The following SLC25A12 variants were observed in gnomAD, a reference collection of about 807,000 sequenced individuals.
The protein encoded by SLC25A12 is solute carrier family 25 member 12.
A neutral mutation model predicts 83.3 loss-of-function variants in SLC25A12; 32 were observed. That is an observed-to-expected ratio of 0.38 (90% CI 0.29 to 0.52). The LOEUF is 0.52. Among genes scored for constraint, SLC25A12 ranks in the 20% least tolerant of loss-of-function variants. The pLI is 0.84. For missense variants in SLC25A12, 611 were observed against 835.6 expected, an observed-to-expected ratio of 0.73 and a Z score of 3.31; for synonymous variants, 267 against 291.1, an observed-to-expected ratio of 0.92 and a Z score of 0.84.
rs1683613055 is a variant in SLC25A12 at position 171,797,080 on chromosome 2, A to T, written c.1306-3313T>A. On this transcript the variant is annotated intron_variant, in intron 13 of 17. Transcript: ENST00000422440. ...TCTTCTAAGACTCTATTGATTATAA[A>T]TGATATCATTAATAACAGCTTTCCA... is the stretch of plus-strand genomic sequence containing the variant. Among the ~76,000 whole-genome samples, 2 of 152,238 alleles carry T rather than the reference A, an allele frequency of 1.3e-5. 1 individual carries two copies. The highest frequency in any genetic ancestry group is 1.3e-4 in the Admixed American group (2 of 15,286).
chr2:171,825,000 G>A (rs62182370), intron 9 of SLC25A12, among the ~76,000 whole-genome samples: 31,538 of 151,704 alleles, frequency 0.21, 4,039 homozygotes, highest in East Asian at 0.57. Context: ...GTAGAGATGG[G>A]GTTTTGCCAT....
At chr2:171,800,333 AC>A (rs1683685874) in intron 13 of SLC25A12, among the ~76,000 whole-genome samples, 1 of 151,886 alleles carries the variant, frequency 6.6e-6, no homozygotes, top group African/African-American at 2.4e-5. Context: ...TCACACACAC[AC>A]ACACACACAC....
At chr2:171,832,609 T>C (rs1381120161) in intron 8 of SLC25A12, among the ~76,000 whole-genome samples, 1 of 152,258 alleles carries the variant, frequency 6.6e-6, no homozygotes, top group Non-Finnish European at 1.5e-5. Context: ...CAAGCACAAA[T>C]GAGCCATCCA....
chr2:171,801,922 TG>T, intron 13 of SLC25A12, among the ~76,000 whole-genome samples: 1 of 149,364 alleles, frequency 6.7e-6, no homozygotes, highest in Non-Finnish European at 1.5e-5. Context: ...TGTGTGTGTG[TG>T]TGTGTGTGTG....
At chr2:171,891,824 C>G (rs985269568) in intron 2 of SLC25A12, among the ~76,000 whole-genome samples, 1 of 152,180 alleles carries the variant, frequency 6.6e-6, no homozygotes, top group Non-Finnish European at 1.5e-5. Flanking sequence ...ATTATAATTA[C>G]TTCTGTTCTG....
chr2:171,823,936 G>A (rs1684245520), intron 9 of SLC25A12, among the ~76,000 whole-genome samples: 1 of 64,782 alleles, frequency 1.5e-5, no homozygotes, highest in Non-Finnish European at 2.9e-5. Flanking sequence ...GTGAGACCCT[G>A]TCTCCACAAA....
Position 171,855,843 on chromosome 2 carries a change from C to G in SLC25A12, c.316G>C (p.Val106Leu). The stretch of plus-strand genomic sequence containing the variant: ...CTTCTTTTTCCCTTACCAAATGTCA[C>G]CTCTCCATTTCCACTCTTGTCAAAC... ...QLFDKSGNGE[V>L]TFENVKEIFG... Residue 106 changes from valine to leucine, a missense_variant, in exon 4 of 18, where the codon GTG becomes CTG. Coordinates refer to ENST00000422440, the MANE Select transcript of SLC25A12 (RefSeq NM_003705.5). 2 of 1,588,292 alleles carry G rather than the reference C, an allele frequency of 1.3e-6. No homozygotes were observed. Among genetic ancestry groups the G allele is most frequent in the Non-Finnish European group, 1.7e-6 (2 of 1,156,422 alleles).
intron 15 of SLC25A12, among the ~76,000 whole-genome samples, chr2:171,791,135 T>C (rs1258260246): frequency 6.6e-6 from 1 of 152,132 alleles, no homozygotes; most frequent in Non-Finnish European, 1.5e-5. Flanking sequence ...ACCTTAATGC[T>C]TAGCTTGGCT....
intron 2 of SLC25A12, among the ~76,000 whole-genome samples, chr2:171,882,160 G>C (rs1257902121): frequency 6.6e-6 from 1 of 152,062 alleles, no homozygotes; most frequent in Non-Finnish European, 1.5e-5. Context: ...TCCCTTATAT[G>C]CTATACATAA....
chr2:171,855,684 A>G (rs564356989), intron 4 of SLC25A12, 150 bp downstream of exon 4: 1 of 677,244 alleles, frequency 1.5e-6, no homozygotes, highest in African/African-American at 1.8e-5. Flanking sequence ...GAAAAAATAA[A>G]GCCATCATTA....
At chr2:171,823,533 G>A (rs1431798101) in intron 9 of SLC25A12, among the ~76,000 whole-genome samples, 2 of 152,094 alleles carry the variant, frequency 1.3e-5, no homozygotes, top group Non-Finnish European at 2.9e-5. Context: ...TATTATTTCT[G>A]TTGAGTTCTA....
At chr2:171,851,228 C>A (rs1573982115) in intron 4 of SLC25A12, among the ~76,000 whole-genome samples, 1 of 151,290 alleles carries the variant, frequency 6.6e-6, no homozygotes, top group East Asian at 1.9e-4. Context: ...GAGTTGCACT[C>A]TTTCACCCAG....
At chr2:171,819,051 C>T (rs1171575235) in intron 9 of SLC25A12, among the ~76,000 whole-genome samples, 1 of 145,978 alleles carries the variant, frequency 6.9e-6, no homozygotes, top group South Asian at 2.2e-4. Flanking sequence ...AAGATTAAAA[C>T]CTAAAGCCAT....
intron 3 of SLC25A12, among the ~76,000 whole-genome samples, 176 bp downstream of exon 3, chr2:171,868,505 G>A (rs1008331237): frequency 6.6e-6 from 1 of 151,570 alleles, no homozygotes; most frequent in Non-Finnish European, 1.5e-5. Flanking sequence ...GTAGAGACAG[G>A]GTTTCTCCAT....
chr2:171,851,197 T>TTG (rs1303147370), intron 4 of SLC25A12, among the ~76,000 whole-genome samples: 2 of 151,722 alleles, frequency 1.3e-5, no homozygotes, highest in African/African-American at 4.8e-5. Flanking sequence ...TTTTTCTTGT[T>TTG]TGTTTTTTTT....
intron 5 of SLC25A12, 26 bp from the exon 6 acceptor site, chr2:171,837,293 T>C: frequency 6.2e-7 from 1 of 1,613,388 alleles, no homozygotes; most frequent in Non-Finnish European, 8.5e-7. Flanking sequence ...AAATAGGGCA[T>C]TAAGCTGGTT....
chr2:171,817,661 C>T (rs527991949), intron 9 of SLC25A12, among the ~76,000 whole-genome samples: 4 of 145,762 alleles, frequency 2.7e-5, no homozygotes, highest in Admixed American at 6.8e-5. Flanking sequence ...TAGAGTTTCT[C>T]AATCACAAAA....
chr2:171,834,014 G>A lies in SLC25A12; in HGVS notation c.794C>T (p.Pro265Leu), dbSNP rs1684503181. 6.2e-7 allele frequency: 1 copy of A among 1,610,610 alleles called. No individual in the cohort carries two copies. The highest frequency in any genetic ancestry group is 2.2e-5 in the East Asian group (1 of 44,796). Residue 265 changes from proline to leucine, a missense_variant, in exon 8 of 18, where the codon CCA becomes CTA. Around this residue, in one of 3 missense-constraint regions of SLC25A12, gnomAD observed 540 missense variants for 777.5 expected, o/e 0.69. Transcript: ENST00000422440. ...QSAIRYGQVT[P>L]LEIDILYQLA... The stretch of plus-strand genomic sequence containing the variant: ...CTGATATAGAATATCAATTTCTAGT[G>A]GTGTGACTTGTCCATAGCGTATGGC...
At chr2:171,811,495 G>C (rs1683945170) in intron 11 of SLC25A12, among the ~76,000 whole-genome samples, 1 of 152,160 alleles carries the variant, frequency 6.6e-6, no homozygotes, top group Admixed American at 6.5e-5. Flanking sequence ...ATAAAGTACT[G>C]ATTTGTGTCA....
Sources: allele counts gnomAD v4.1 joint callset (sites outside exome capture counted in the v4.1 genomes callset), GRCh38; gene constraint gnomAD v4.1.1; regional missense constraint gnomAD v4.1.1; transcripts MANE v1.5; gene names NCBI Gene and HGNC (gene_info 2026-07-23, HGNC 2026-07-21).